MAGI1: variants seen among roughly 807,000 people sequenced by gnomAD.
The protein encoded by MAGI1 is membrane associated guanylate kinase, WW and PDZ domain containing 1, also known as membrane-associated guanylate kinase, WW and PDZ domain-containing protein 1.
A neutral mutation model predicts 139.9 loss-of-function variants in MAGI1; 58 were observed. That is an observed-to-expected ratio of 0.41 (90% CI 0.34 to 0.52). MAGI1 has a LOEUF of 0.52. MAGI1 is among the 20% of genes least tolerant of loss of function. The pLI is 0.12. For synonymous variants in MAGI1, 812 were observed against 737.9 expected (o/e 1.10, Z -1.63); for missense variants, 1,874 against 1,901.6 (o/e 0.99, Z 0.27).
intron 1 of MAGI1, among the ~76,000 whole-genome samples, chr3:65,847,381 T>C (rs1048988346): frequency 1.4e-5 from 2 of 146,808 alleles, no homozygotes; most frequent in African/African-American, 5.5e-5. Flanking sequence ...CACCTGGTGG[T>C]TTTTTTTCCT....
intron 1 of MAGI1, among the ~76,000 whole-genome samples, chr3:65,741,411 T>C (rs2035255982): frequency 6.6e-6 from 1 of 152,180 alleles, no homozygotes. Flanking sequence ...CCTGACCTCC[T>C]GATCCGCCCG....
chr3:65,545,163 C>A (rs751615755), intron 2 of MAGI1, among the ~76,000 whole-genome samples: 1 of 152,118 alleles, frequency 6.6e-6, no homozygotes, highest in Non-Finnish European at 1.5e-5. Flanking sequence ...TAATGCGTCA[C>A]TTCTGACAAA....
chr3:65,918,668 C>T (rs544793626), intron 1 of MAGI1, among the ~76,000 whole-genome samples: 2 of 152,104 alleles, frequency 1.3e-5, no homozygotes, highest in East Asian at 1.9e-4. Context: ...TGTGAGCCAC[C>T]GCGCCCGGCC....
chr3:65,900,443 A>G (rs1338046154), intron 1 of MAGI1, among the ~76,000 whole-genome samples: 1 of 152,226 alleles, frequency 6.6e-6, no homozygotes, highest in African/African-American at 2.4e-5. Flanking sequence ...CTAGTGTTAG[A>G]CTTGAAAAAG....
At chr3:65,974,052 A>C (rs1048866884) in intron 1 of MAGI1, among the ~76,000 whole-genome samples, 7 of 152,142 alleles carry the variant, frequency 4.6e-5, no homozygotes, top group Non-Finnish European at 1.0e-4. Context: ...ATTAGCATGA[A>C]GAATATTAAA....
At chr3:65,441,712 G>T (rs1440378641) in intron 8 of MAGI1, among the ~76,000 whole-genome samples, 1 of 152,156 alleles carries the variant, frequency 6.6e-6, no homozygotes, top group Non-Finnish European at 1.5e-5. Context: ...TTTTCTGAGG[G>T]TCAGAGGGGC....
chr3:65,714,416 T>C (rs1242653798), intron 1 of MAGI1, among the ~76,000 whole-genome samples: 2 of 151,966 alleles, frequency 1.3e-5, no homozygotes, highest in Admixed American at 1.3e-4. Flanking sequence ...CAGCTCAGGG[T>C]TTCTCAGTGG....
chr3:66,000,741 C>T (rs2066698557), intron 1 of MAGI1, among the ~76,000 whole-genome samples: 1 of 152,264 alleles, frequency 6.6e-6, no homozygotes, highest in Non-Finnish European at 1.5e-5. Context: ...TGGGTGTTTA[C>T]TTCCTGTCCA....
At position 65,374,657 on chromosome 3, in the gene MAGI1, A is replaced by C. The variant is rs1008193791; in HGVS notation, c.3196+1088T>G. ...ATTAAACATGAATAATACAATGAGT[A>C]TTGGTATTTTGTGCTGGGTAACTTT... On this transcript the variant is annotated intron_variant, in intron 18 of 22. Transcript: ENST00000402939. Among the ~76,000 whole-genome samples, 7 of 152,280 alleles carry C rather than the reference A, an allele frequency of 4.6e-5. No homozygotes were observed. The East Asian group carries it at 1.2e-3, about 25-fold the overall frequency.
At chr3:65,400,517 C>T (rs984658110) in intron 13 of MAGI1, among the ~76,000 whole-genome samples, 14 of 152,072 alleles carry the variant, frequency 9.2e-5, no homozygotes, top group African/African-American at 3.4e-4. Context: ...ATGGAAACAT[C>T]CCTCTTTATC....
intron 1 of MAGI1, among the ~76,000 whole-genome samples, chr3:66,030,545 T>C (rs2068534107): frequency 6.6e-6 from 1 of 152,050 alleles, no homozygotes; most frequent in Admixed American, 6.5e-5. Context: ...AAAATAAAGC[T>C]GAGAGGGGGA....
At chr3:65,532,754 T>TGGA (rs2078771955) in intron 2 of MAGI1, 1 of 152,228 alleles carries the variant, frequency 6.6e-6, no homozygotes. Flanking sequence ...TTACTTACCT[T>TGGA]GGAGAAGAAG....
intron 1 of MAGI1, among the ~76,000 whole-genome samples, chr3:65,746,613 T>A (rs188263601): frequency 2.6e-5 from 4 of 152,186 alleles, no homozygotes; most frequent in Admixed American, 6.5e-5. Flanking sequence ...TGGGTATCTA[T>A]CCATTCACTC....
chr3:65,549,978 T>G (rs909376055), intron 2 of MAGI1, among the ~76,000 whole-genome samples: 1 of 152,144 alleles, frequency 6.6e-6, no homozygotes, highest in Non-Finnish European at 1.5e-5. Context: ...AGCCAAAAAA[T>G]TCTCTTCTGG....
intron 1 of MAGI1, among the ~76,000 whole-genome samples, chr3:65,811,964 G>C (rs560038525): frequency 2.8e-4 from 43 of 151,894 alleles, no homozygotes; most frequent in African/African-American, 9.7e-4. Context: ...GTGTGTGAGA[G>C]AGAGAGCGTG....
intron 1 of MAGI1, among the ~76,000 whole-genome samples, chr3:65,697,198 C>T (rs1225492552): frequency 1.3e-5 from 2 of 151,980 alleles, no homozygotes; most frequent in Non-Finnish European, 2.9e-5. Flanking sequence ...TCTGAATAGA[C>T]CAATAACAGG....
At chr3:65,770,765 T>C (rs917278027) in intron 1 of MAGI1, among the ~76,000 whole-genome samples, 37 of 152,208 alleles carry the variant, frequency 2.4e-4, no homozygotes, top group African/African-American at 7.9e-4. Context: ...CTCAGCTCAC[T>C]GCAACCTCTG....
intron 14 of MAGI1, among the ~76,000 whole-genome samples, chr3:65,390,263 A>G (rs1285734713): frequency 6.6e-6 from 1 of 151,944 alleles, no homozygotes; most frequent in Non-Finnish European, 1.5e-5. Context: ...CTTCTCCCAG[A>G]CCCTTCAACA....
intron 1 of MAGI1, among the ~76,000 whole-genome samples, chr3:65,782,995 A>AAAC (rs139263430): frequency 0.043 from 6,593 of 151,984 alleles, 215 homozygotes; most frequent in African/African-American, 0.09. Context: ...TTTAAAAACA[A>AAAC]AACAACAACA....
Sources: allele counts gnomAD v4.1 joint callset (sites outside exome capture counted in the v4.1 genomes callset), GRCh38; gene constraint gnomAD v4.1.1; transcripts MANE v1.5; gene names NCBI Gene and HGNC (gene_info 2026-07-23, HGNC 2026-07-21).